Variants in ADGRL3 observed in about 807,000 individuals in gnomAD.
ADGRL3 encodes calcium-independent alpha-latrotoxin receptor 3.
ADGRL3 carries 62 observed loss-of-function variants against 153.5 expected under a neutral mutation model. The observed-to-expected ratio is 0.40, with a 90% CI of 0.33 to 0.50. The LOEUF (loss-of-function observed/expected upper bound fraction) is 0.50. Among genes scored for constraint, ADGRL3 ranks in the 20% least tolerant of loss-of-function variants. The pLI is 0.47. For synonymous variants in ADGRL3, 710 were observed against 672.5 expected, an observed-to-expected ratio of 1.06 and a Z score of -0.86; for missense variants, 1,641 against 1,859.4, an observed-to-expected ratio of 0.88 and a Z score of 2.16.
intron 4 of ADGRL3, among the ~76,000 whole-genome samples, chr4:61,536,955 T>C (rs973961452): frequency 2.0e-5 from 3 of 152,142 alleles, no homozygotes; most frequent in African/African-American, 7.2e-5. Context: ...CTCTCAATTA[T>C]ATAACTGCTT....
chr4:61,681,865 T>G (rs2095343565), intron 6 of ADGRL3, among the ~76,000 whole-genome samples: 1 of 152,052 alleles, frequency 6.6e-6, no homozygotes, highest in Admixed American at 6.6e-5. Context: ...ATATTTTTAA[T>G]TTTAGAAAGA....
At chr4:61,288,274 C>A (rs966957504) in intron 1 of ADGRL3, among the ~76,000 whole-genome samples, 3 of 151,920 alleles carry the variant, frequency 2.0e-5, no homozygotes, top group Non-Finnish European at 4.4e-5. Context: ...CTATACATAA[C>A]AGAAAACCAA....
At chr4:61,208,492 T>C (rs1169752530) in intron 1 of ADGRL3, among the ~76,000 whole-genome samples, 1 of 152,164 alleles carries the variant, frequency 6.6e-6, no homozygotes, top group Non-Finnish European at 1.5e-5. Context: ...CCTAGGAAAC[T>C]TTAATCAATT....
At chr4:61,214,665 G>T (rs973118976) in intron 1 of ADGRL3, among the ~76,000 whole-genome samples, 4 of 152,218 alleles carry the variant, frequency 2.6e-5, no homozygotes, top group African/African-American at 9.6e-5. Flanking sequence ...GCTGGATGCT[G>T]TGGCTCATGC....
chr4:61,212,007 T>C (rs1389492459), intron 1 of ADGRL3: 1 of 152,218 alleles, frequency 6.6e-6, no homozygotes, highest in African/African-American at 2.4e-5. Context: ...GTCTAGGCAT[T>C]GAGTACATTC....
chr4:61,427,586 C>T (rs572702571), intron 2 of ADGRL3: 6 of 152,786 alleles, frequency 3.9e-5, no homozygotes, highest in African/African-American at 1.4e-4. Context: ...AGTAGGAGGT[C>T]CCTGAACCCC....
intron 21 of ADGRL3, among the ~76,000 whole-genome samples, chr4:62,008,898 C>T (rs765420113): frequency 1.2e-4 from 18 of 151,978 alleles, no homozygotes; most frequent in Non-Finnish European, 2.2e-4. Context: ...GTTTCCTGTA[C>T]CTTTCTTATG....
intron 9 of ADGRL3, among the ~76,000 whole-genome samples, chr4:61,864,535 C>G (rs538747764): frequency 6.6e-6 from 1 of 152,114 alleles, no homozygotes; most frequent in African/African-American, 2.4e-5. Context: ...AAAAGCCAAG[C>G]TTTTAGATGT....
intron 2 of ADGRL3, among the ~76,000 whole-genome samples, chr4:61,464,927 C>A (rs867605662): frequency 1.3e-5 from 2 of 152,098 alleles, no homozygotes; most frequent in Non-Finnish European, 2.9e-5. Flanking sequence ...ACATTATAAC[C>A]GTTTCTCTTA....
chr4:61,899,041 C>T (rs544168090), intron 11 of ADGRL3, among the ~76,000 whole-genome samples: 57 of 152,224 alleles, frequency 3.7e-4, no homozygotes, highest in African/African-American at 1.3e-3. Flanking sequence ...GTAGCCTTCT[C>T]CTGTTGGCAC....
chr4:61,674,212 T>C (rs953583243), intron 5 of ADGRL3, among the ~76,000 whole-genome samples: 1 of 151,274 alleles, frequency 6.6e-6, no homozygotes, highest in Non-Finnish European at 1.5e-5. Flanking sequence ...AGACTCCAGG[T>C]TATGTTTTCT....
At chr4:61,435,919 T>C (rs2097439880) in intron 2 of ADGRL3, among the ~76,000 whole-genome samples, 1 of 152,050 alleles carries the variant, frequency 6.6e-6, no homozygotes, top group African/African-American at 2.4e-5. Context: ...TGAACATTTA[T>C]TGGTGATCAT....
chr4:61,639,403 T>C (rs1255775216), intron 5 of ADGRL3, among the ~76,000 whole-genome samples: 2 of 152,092 alleles, frequency 1.3e-5, no homozygotes, highest in African/African-American at 4.8e-5. Flanking sequence ...TTGAAAAATT[T>C]GAAAAAAACT....
At chr4:61,363,773 T>C (rs1338365448) in intron 1 of ADGRL3, among the ~76,000 whole-genome samples, 2 of 152,110 alleles carry the variant, frequency 1.3e-5, no homozygotes, top group African/African-American at 4.8e-5. Flanking sequence ...TTTTTTAATC[T>C]TTTCAGTAAC....
intron 1 of ADGRL3, among the ~76,000 whole-genome samples, chr4:61,267,704 T>C (rs971394291): frequency 2.6e-5 from 4 of 151,692 alleles, no homozygotes; most frequent in Non-Finnish European, 4.4e-5. Context: ...TCTCATGTAC[T>C]GGCATACAAA....
chr4:61,613,922 G>T (rs983421432), intron 5 of ADGRL3, among the ~76,000 whole-genome samples: 2 of 152,116 alleles, frequency 1.3e-5, no homozygotes, highest in East Asian at 3.9e-4. Flanking sequence ...TGAAGAAAGA[G>T]GCATGTATAC....
chr4:61,605,588 T>C (rs547342905), intron 5 of ADGRL3, among the ~76,000 whole-genome samples: 98 of 152,314 alleles, frequency 6.4e-4, no homozygotes, highest in Admixed American at 6.1e-3. Flanking sequence ...GTAGTTATAG[T>C]CTAGGGATAC....
At chr4:61,351,104 G>A (rs1198052406) in intron 1 of ADGRL3, among the ~76,000 whole-genome samples, 1 of 152,140 alleles carries the variant, frequency 6.6e-6, no homozygotes, top group East Asian at 1.9e-4. Flanking sequence ...ACACATGAAT[G>A]ATAAGAAAGC....
chr4:61,242,397 C>A (rs1000396902), intron 1 of ADGRL3, among the ~76,000 whole-genome samples: 1 of 151,994 alleles, frequency 6.6e-6, no homozygotes, highest in Admixed American at 6.6e-5. Context: ...TCAAACACAT[C>A]GGAGTGTGAA....
Sources: allele counts gnomAD v4.1 joint callset (sites outside exome capture counted in the v4.1 genomes callset), GRCh38; gene constraint gnomAD v4.1.1; transcripts MANE v1.5; gene names NCBI Gene and HGNC (gene_info 2026-07-23, HGNC 2026-07-21).